DIS3L2: variants seen among roughly 807,000 people sequenced by gnomAD.
DIS3L2 encodes DIS3-like exonuclease 2.
A neutral mutation model predicts 97.5 loss-of-function variants in DIS3L2; 34 were observed. The ratio of observed to expected loss-of-function variants is 0.35; its 90% CI spans 0.27 to 0.46. DIS3L2 has a LOEUF of 0.46. DIS3L2 is among the 20% of genes least tolerant of loss of function. The pLI is 1.00. For synonymous variants in DIS3L2, 435 were observed against 445.2 expected (o/e 0.98, Z 0.29); for missense variants, 1,038 against 1,146.0 (o/e 0.91, Z 1.36).
At chr2:231,982,328 G>A (rs913767084) in intron 1 of DIS3L2, among the ~76,000 whole-genome samples, 2 of 152,056 alleles carry the variant, frequency 1.3e-5, no homozygotes, top group Admixed American at 6.6e-5. Flanking sequence ...GCATGGTAGC[G>A]GGTTTTTCAT....
At chr2:231,971,353 C>T (rs957584425) in intron 1 of DIS3L2, among the ~76,000 whole-genome samples, 2 of 151,708 alleles carry the variant, frequency 1.3e-5, no homozygotes, top group Admixed American at 1.3e-4. Flanking sequence ...GCAACTTCTG[C>T]CTGCAACCTC....
At chr2:232,111,521 C>G (rs926713033) in intron 6 of DIS3L2, among the ~76,000 whole-genome samples, 3 of 152,112 alleles carry the variant, frequency 2.0e-5, no homozygotes, top group Admixed American at 2.0e-4. Flanking sequence ...ATTGCCTGCA[C>G]CAGTAGAACT....
At chr2:232,106,247 T>G (rs1295195629) in intron 6 of DIS3L2, among the ~76,000 whole-genome samples, 3 of 152,200 alleles carry the variant, frequency 2.0e-5, no homozygotes, top group South Asian at 2.1e-4. Flanking sequence ...TACAAGATCA[T>G]GTACTCTTGT....
At chr2:232,096,420 G>C (rs1697017045) in intron 6 of DIS3L2, among the ~76,000 whole-genome samples, 2 of 152,084 alleles carry the variant, frequency 1.3e-5, no homozygotes, top group East Asian at 3.9e-4. Flanking sequence ...AAATCTGCTT[G>C]GTGTTCTATA....
chr2:232,067,248 C>G (rs1442553010), intron 5 of DIS3L2, among the ~76,000 whole-genome samples: 1 of 152,166 alleles, frequency 6.6e-6, no homozygotes, highest in Non-Finnish European at 1.5e-5. Flanking sequence ...TTGATTTAGT[C>G]CCTTTTTCCC....
intron 6 of DIS3L2, among the ~76,000 whole-genome samples, chr2:232,105,847 A>G (rs1697344730): frequency 6.6e-6 from 1 of 152,146 alleles, no homozygotes; most frequent in African/African-American, 2.4e-5. Flanking sequence ...GAGGTGAGTG[A>G]AGACTTGAAG....
intron 9 of DIS3L2, among the ~76,000 whole-genome samples, chr2:232,202,146 T>G (rs1029991236): frequency 6.6e-6 from 1 of 152,202 alleles, no homozygotes. Context: ...ACGCCTGTAA[T>G]CCCAGCACTT....
chr2:232,003,021 A>T (rs1380582951), intron 1 of DIS3L2, among the ~76,000 whole-genome samples: 2 of 152,216 alleles, frequency 1.3e-5, no homozygotes, highest in Non-Finnish European at 2.9e-5. Context: ...TAGGAACTTC[A>T]TCAGGTTATG....
chr2:231,997,386 G>A (rs1194804781), intron 1 of DIS3L2, among the ~76,000 whole-genome samples: 1 of 152,216 alleles, frequency 6.6e-6, no homozygotes, highest in African/African-American at 2.4e-5. Context: ...CCTGTTAAGA[G>A]GCAGTGTTTT....
At chr2:232,154,452 A>G (rs1442864377) in intron 8 of DIS3L2, among the ~76,000 whole-genome samples, 1 of 24,020 alleles carries the variant, frequency 4.2e-5, no homozygotes, top group Non-Finnish European at 9.3e-5. Context: ...GTCTGTTGGA[A>G]TACCCTGCCG....
chr2:232,186,248 G>A lies in DIS3L2; in HGVS notation c.1124+22616G>A, dbSNP rs578131375. ...ATGGGACATCACTACAGATACTGCA[G>A]CCATTTAAAGGATAATAAGGAACAT... On this transcript the variant is annotated intron_variant, in intron 9 of 20. Transcript: ENST00000325385. Among the ~76,000 whole-genome samples the A allele has an allele frequency of 2.1e-4, 32 of 152,318 alleles. No homozygotes were observed. In the South Asian group the frequency reaches 6.4e-3, roughly 31 times the overall value.
chr2:231,993,721 T>G (rs1693645132), intron 1 of DIS3L2, among the ~76,000 whole-genome samples: 1 of 151,896 alleles, frequency 6.6e-6, no homozygotes, highest in African/African-American at 2.4e-5. Flanking sequence ...TCTCATCCAC[T>G]TTAATACTTA....
At position 232,263,391 on chromosome 2, in the gene DIS3L2, A is replaced by G. The variant is rs2106281321; in HGVS notation, c.1610A>G (p.Lys537Arg). 6.2e-7 allele frequency: 1 copy of G among 1,614,226 alleles called. No individual in the cohort carries two copies. Among genetic ancestry groups the G allele is most frequent in the Non-Finnish European group, 8.5e-7 (1 of 1,180,042 alleles). Reference sequence around the variant, plus strand: ...GTCTTGAATCTCCACGGAATTGCCAAGCAGTTACGCCAGCAGCGCTTTGTG... The same window carrying G: ...GTCTTGAATCTCCACGGAATTGCCAGGCAGTTACGCCAGCAGCGCTTTGTG... ...QAVLNLHGIA[K>R]QLRQQRFVDG... is the part of the protein sequence containing the mutation. Residue 537 changes from lysine (K) to arginine (R), a missense_variant, in exon 13 of 21, where the codon AAG (lysine) becomes AGG (arginine). Around this residue, in one of 3 missense-constraint regions of DIS3L2, gnomAD observed 813 missense variants for 880.1 expected, o/e 0.92. Coordinates refer to ENST00000325385, the MANE Select transcript of DIS3L2 (RefSeq NM_152383.5).
At chr2:232,035,498 A>G (rs1367242728) in intron 5 of DIS3L2, among the ~76,000 whole-genome samples, 2 of 152,178 alleles carry the variant, frequency 1.3e-5, no homozygotes, top group African/African-American at 4.8e-5. Context: ...GCCCATTTAC[A>G]TTTAAGTTTA....
At chr2:232,310,601 A>T (rs144576352) in intron 14 of DIS3L2, among the ~76,000 whole-genome samples, 2 of 152,228 alleles carry the variant, frequency 1.3e-5, no homozygotes, top group African/African-American at 4.8e-5. Context: ...CCTCAGTTTT[A>T]TCTACAGGAA....
intron 10 of DIS3L2, among the ~76,000 whole-genome samples, chr2:232,225,279 A>C (rs558692870): frequency 6.6e-6 from 1 of 152,338 alleles, no homozygotes; most frequent in Non-Finnish European, 1.5e-5. Flanking sequence ...ATGTACAGGA[A>C]CGTTCATAGC....
At chr2:232,275,019 G>A (rs1324509361) in intron 13 of DIS3L2, among the ~76,000 whole-genome samples, 3 of 152,106 alleles carry the variant, frequency 2.0e-5, no homozygotes, top group Non-Finnish European at 1.5e-5. Context: ...CAGGTAGCCT[G>A]GTGTGGGTGT....
chr2:232,159,759 C>T (rs949562289), intron 8 of DIS3L2, among the ~76,000 whole-genome samples: 2 of 152,218 alleles, frequency 1.3e-5, no homozygotes, highest in Admixed American at 6.5e-5. Flanking sequence ...CTAGGATTCT[C>T]ATAGAGGCCT....
intron 20 of DIS3L2, chr2:232,336,167 T>G (rs1379488706): frequency 3.3e-6 from 5 of 1,535,110 alleles, no homozygotes; most frequent in Non-Finnish European, 3.5e-6. Flanking sequence ...TGATGAAAGC[T>G]ATGAGTTTAC....
Sources: allele counts gnomAD v4.1 joint callset (sites outside exome capture counted in the v4.1 genomes callset), GRCh38; gene constraint gnomAD v4.1.1; regional missense constraint gnomAD v4.1.1; transcripts MANE v1.5; gene names NCBI Gene and HGNC (gene_info 2026-07-23, HGNC 2026-07-21).